The following GRM7 variants were observed in gnomAD, a reference collection of about 807,000 sequenced individuals.
The protein encoded by GRM7 is glutamate metabotropic receptor 7, also known as metabotropic glutamate receptor 7.
In GRM7, 35 loss-of-function variants were observed where a neutral mutation model predicts 84.5. The ratio of observed to expected loss-of-function variants is 0.41; its 90% confidence interval spans 0.32 to 0.55. The LOEUF (loss-of-function observed/expected upper bound fraction) is 0.55. GRM7 is among the 20% of genes least tolerant of loss of function. The pLI is 0.19. For synonymous variants in GRM7, 487 were observed against 455.1 expected (o/e 1.07, Z -0.89); for missense variants, 1,003 against 1,194.6 (o/e 0.84, Z 2.36).
intron 9 of GRM7, chr3:7,694,327 C>A: frequency 2.3e-6 from 1 of 436,290 alleles, no homozygotes; most frequent in Non-Finnish European, 3.0e-6. Flanking sequence ...GGCGTCATCT[C>A]AAATTAACTG....
At chr3:7,706,315 CTCTA>C (rs1042231583) in intron 9 of GRM7, among the ~76,000 whole-genome samples, 20 of 152,218 alleles carry the variant, frequency 1.3e-4, no homozygotes, top group South Asian at 4.2e-4. Context: ...ACAAAGATAT[CTCTA>C]TCTGTCTATA....
At chr3:7,178,189 C>T (rs565882781) in intron 2 of GRM7, among the ~76,000 whole-genome samples, 2 of 152,328 alleles carry the variant, frequency 1.3e-5, no homozygotes, top group South Asian at 2.1e-4. Flanking sequence ...CTGGACAAAA[C>T]ATCTAAGAAT....
At chr3:7,156,797 G>T (rs2125075022) in intron 2 of GRM7, among the ~76,000 whole-genome samples, 1 of 152,142 alleles carries the variant, frequency 6.6e-6, no homozygotes, top group Admixed American at 6.5e-5. Context: ...TAGTTATTTT[G>T]AAAGTTCTTT....
At chr3:7,100,032 TG>T (rs1283015851) in intron 1 of GRM7, among the ~76,000 whole-genome samples, 3 of 149,212 alleles carry the variant, frequency 2.0e-5, no homozygotes, top group South Asian at 4.2e-4. Flanking sequence ...TACATATATA[TG>T]CATATGTATA....
intron 4 of GRM7, among the ~76,000 whole-genome samples, chr3:7,347,719 T>C (rs74639704): frequency 0.069 from 10,490 of 152,206 alleles, 389 homozygotes; most frequent in African/African-American, 0.1. Flanking sequence ...ATCGTCTTCA[T>C]TATTCTTTCC....
chr3:7,181,572 T>G (rs1695337965), intron 2 of GRM7, among the ~76,000 whole-genome samples: 1 of 152,170 alleles, frequency 6.6e-6, no homozygotes, highest in African/African-American at 2.4e-5. Context: ...CAAAATAATA[T>G]TTTAGAAACA....
intron 1 of GRM7, among the ~76,000 whole-genome samples, chr3:6,865,860 T>C (rs1463899825): frequency 6.6e-6 from 1 of 151,188 alleles, no homozygotes; most frequent in Non-Finnish European, 1.5e-5. Context: ...AACTTTAACC[T>C]ACACTTTTTA....
At chr3:7,654,139 A>C (rs1211683216) in intron 8 of GRM7, among the ~76,000 whole-genome samples, 6 of 152,070 alleles carry the variant, frequency 3.9e-5, no homozygotes, top group Non-Finnish European at 7.3e-5. Flanking sequence ...TCTTTCTCTG[A>C]GCTCATAGAG....
intron 1 of GRM7, among the ~76,000 whole-genome samples, chr3:7,005,664 C>G (rs1463844147): frequency 6.6e-6 from 1 of 152,088 alleles, no homozygotes; most frequent in South Asian, 2.1e-4. Context: ...TGTTAGTAAG[C>G]CTCTTGCAAT....
chr3:7,055,330 G>A (rs982588223), intron 1 of GRM7, among the ~76,000 whole-genome samples: 1 of 151,898 alleles, frequency 6.6e-6, no homozygotes, highest in African/African-American at 2.4e-5. Flanking sequence ...GTGAAGAGAA[G>A]TTGCTGCAAC....
At chr3:7,634,512 T>G (rs1322018924) in intron 8 of GRM7, among the ~76,000 whole-genome samples, 1 of 89,852 alleles carries the variant, frequency 1.1e-5, no homozygotes, top group Non-Finnish European at 2.1e-5. Context: ...AGGGCTGGGC[T>G]CCATGGCTCA....
At chr3:7,002,782 C>G (rs1304960409) in intron 1 of GRM7, among the ~76,000 whole-genome samples, 1 of 152,072 alleles carries the variant, frequency 6.6e-6, no homozygotes, top group Non-Finnish European at 1.5e-5. Flanking sequence ...AGAGTTGTCT[C>G]CACTCCCATG....
At chr3:7,506,206 A>AG (rs886523516) in intron 7 of GRM7, among the ~76,000 whole-genome samples, 1 of 152,124 alleles carries the variant, frequency 6.6e-6, no homozygotes, top group East Asian at 1.9e-4. Flanking sequence ...AAGGTGGAGG[A>AG]GGGGGTCTTA....
chr3:7,074,495 A>C (rs949269237), intron 1 of GRM7, among the ~76,000 whole-genome samples: 2 of 152,164 alleles, frequency 1.3e-5, no homozygotes, highest in Non-Finnish European at 2.9e-5. Context: ...TATTTATGTT[A>C]CTGTTCTGCG....
At chr3:7,044,344 A>G (rs541763141) in intron 1 of GRM7, among the ~76,000 whole-genome samples, 1 of 152,340 alleles carries the variant, frequency 6.6e-6, no homozygotes, top group African/African-American at 2.4e-5. Flanking sequence ...TGTGTTTTAA[A>G]TGCTTAAAAA....
At chr3:7,201,216 G>T (rs1201375748) in intron 2 of GRM7, among the ~76,000 whole-genome samples, 1 of 151,844 alleles carries the variant, frequency 6.6e-6, no homozygotes, top group Non-Finnish European at 1.5e-5. Flanking sequence ...TGATCTGCCC[G>T]CCTCGGCCTC....
intron 2 of GRM7, among the ~76,000 whole-genome samples, chr3:7,258,843 G>A (rs1394761159): frequency 6.6e-6 from 1 of 152,216 alleles, no homozygotes; most frequent in South Asian, 2.1e-4. Flanking sequence ...AAAGAAGATA[G>A]CAAAAGTGAG....
At chr3:7,278,602 G>A (rs535054251) in intron 2 of GRM7, among the ~76,000 whole-genome samples, 7 of 151,948 alleles carry the variant, frequency 4.6e-5, no homozygotes, top group Non-Finnish European at 7.4e-5. Flanking sequence ...AATCTATATT[G>A]AGCATCTGTT....
intron 1 of GRM7, among the ~76,000 whole-genome samples, chr3:6,891,666 T>TTTCA (rs1695954436): frequency 6.6e-6 from 1 of 152,184 alleles, no homozygotes; most frequent in African/African-American, 2.4e-5. Context: ...GCCCTTAACA[T>TTTCA]TTTTTCCTTC....
Sources: gnomAD v4.1 joint callset for allele counts (sites outside exome capture counted in the v4.1 genomes callset) on GRCh38, gnomAD v4.1.1 for gene constraint, MANE v1.5 for transcripts, NCBI Gene and HGNC (gene_info 2026-07-23, HGNC 2026-07-21) for gene names.